Variants in RAI14 observed in about 807,000 individuals in gnomAD.
The protein encoded by RAI14 is ankycorbin.
RAI14 carries 45 observed loss-of-function variants against 115.4 expected under a neutral mutation model. The observed-to-expected ratio is 0.39, with a 90% CI of 0.31 to 0.50. RAI14 has a LOEUF of 0.50. Ranked by LOEUF, RAI14 falls within the 20% of genes least tolerant of loss-of-function variation. The pLI is 0.85. For missense variants in RAI14, 939 were observed against 1,131.2 expected (o/e 0.83, Z 2.44); for synonymous variants, 371 against 415.4 (o/e 0.89, Z 1.30).
chr5:34,683,797 G>C (rs1744572354), intron 1 of RAI14, among the ~76,000 whole-genome samples: 2 of 151,618 alleles, frequency 1.3e-5, no homozygotes, highest in African/African-American at 4.9e-5. Context: ...GCGCGATATC[G>C]GCTCACTGCA....
At chr5:34,738,801 C>T (rs1745164337) in intron 2 of RAI14, among the ~76,000 whole-genome samples, 1 of 152,220 alleles carries the variant, frequency 6.6e-6, no homozygotes, top group Non-Finnish European at 1.5e-5. Flanking sequence ...CATCTTACCA[C>T]AGTTTCCTAT....
Position 34,830,762 on chromosome 5 carries a change from G to T in RAI14, c.2940G>T (p.Lys980Asn). Residue 980 changes from lysine to asparagine, a missense_variant, in exon 18 of 18, where the codon AAG (lysine) becomes AAT (asparagine). Transcript: ENST00000265109. Reference sequence around the variant, plus strand: ...TGTGTAAAAACCAGTCTCAAAAGAAGTAAAGTGGATTCCTTGGCAGGACAC... The same window carrying T: ...TGTGTAAAAACCAGTCTCAAAAGAATTAAAGTGGATTCCTTGGCAGGACAC... ...LTMCKNQSQK[K>N] 6.2e-7 allele frequency: 1 copy of T among 1,614,158 alleles called. No homozygotes were observed. Among genetic ancestry groups the T allele is most frequent in the Non-Finnish European group, 8.5e-7 (1 of 1,179,992 alleles).
intron 3 of RAI14, among the ~76,000 whole-genome samples, chr5:34,779,619 A>G (rs985931120): frequency 2.6e-5 from 4 of 152,204 alleles, no homozygotes; most frequent in Non-Finnish European, 5.9e-5. Context: ...CCCATTCACA[A>G]TTGCTTCAAA....
rs1561294890 is a variant in RAI14, at chr5:34,738,180, TG to T, written c.37-19284del. Among the ~76,000 whole-genome samples the T allele has an allele frequency of 4.6e-5, 7 of 152,086 alleles. No individual in the cohort carries two copies. The South Asian group carries it at 1.5e-3, about 32-fold the overall frequency. ...TGGCTCATGTCTGAACCCCAGCACT[TG>T]GGGAGGCTGAGGCAGGTGGATTGCT... On this transcript the variant is annotated intron_variant, in intron 2 of 17. Transcript: ENST00000265109.
intron 13 of RAI14, 98 bp downstream of exon 13, chr5:34,818,949 ATG>A: frequency 9.0e-7 from 1 of 1,116,642 alleles, no homozygotes; most frequent in Non-Finnish European, 1.3e-6. Context: ...CTGTGTAAAA[ATG>A]TCACAAGCCA....
intron 3 of RAI14, among the ~76,000 whole-genome samples, chr5:34,774,873 C>T (rs944049610): frequency 6.6e-6 from 1 of 152,074 alleles, no homozygotes; most frequent in Non-Finnish European, 1.5e-5. Flanking sequence ...AATTATACTA[C>T]AGAGCTATAG....
chr5:34,688,638 G>A (rs1437522337), intron 2 of RAI14, among the ~76,000 whole-genome samples: 3 of 152,188 alleles, frequency 2.0e-5, no homozygotes, highest in Non-Finnish European at 2.9e-5. Flanking sequence ...ATGTTGAGAA[G>A]CAGACCTGGG....
At chr5:34,812,743 A>G (rs1755753848) in intron 10 of RAI14, among the ~76,000 whole-genome samples, 1 of 152,120 alleles carries the variant, frequency 6.6e-6, no homozygotes, top group Non-Finnish European at 1.5e-5. Context: ...TGCTACTTAT[A>G]TGTTCATCTT....
intron 4 of RAI14, among the ~76,000 whole-genome samples, chr5:34,801,400 C>T (rs1401769128): frequency 6.6e-6 from 1 of 152,190 alleles, no homozygotes; most frequent in Non-Finnish European, 1.5e-5. Flanking sequence ...CTATATGATT[C>T]TCTAATTAGT....
At position 34,824,230 on chromosome 5, in the gene RAI14, A is replaced by G; in HGVS notation, c.2388A>G (p.Leu796=). 3 of 1,614,172 alleles carry G rather than the reference A, an allele frequency of 1.9e-6. No homozygotes were observed. Among genetic ancestry groups the G allele is most frequent in the Non-Finnish European group, 2.5e-6 (3 of 1,180,004 alleles). Residue 796 remains leucine, a synonymous_variant, in exon 15 of 18, where the codon TTA becomes TTG. Transcript: ENST00000265109. Reference sequence around the variant, plus strand: ...CCTATGAAAAACTCCAGTCATCCTTAGAGAGTGAAGTGAGTGTGTTGGCAT... The same window carrying G: ...CCTATGAAAAACTCCAGTCATCCTTGGAGAGTGAAGTGAGTGTGTTGGCAT... ...RSSYEKLQSS[L]ESEVSVLASK...
intron 5 of RAI14, among the ~76,000 whole-genome samples, chr5:34,805,508 G>A (rs1046450549): frequency 1.3e-5 from 2 of 152,110 alleles, no homozygotes; most frequent in Non-Finnish European, 2.9e-5. Flanking sequence ...CCTTCTCACG[G>A]CAATGAGCAC....
intron 1 of RAI14, among the ~76,000 whole-genome samples, chr5:34,683,722 C>G (rs1744559329): frequency 6.6e-6 from 1 of 150,750 alleles, no homozygotes; most frequent in Admixed American, 6.6e-5. Flanking sequence ...ATTTGAAGGG[C>G]GATTCCCACC....
At chr5:34,738,296 C>T (rs1236241780) in intron 2 of RAI14, among the ~76,000 whole-genome samples, 1 of 152,162 alleles carries the variant, frequency 6.6e-6, no homozygotes, top group East Asian at 1.9e-4. Context: ...CCAAATATTT[C>T]TGTCCAAAAT....
At chr5:34,767,591 G>GCCCCCCCCCCCCCCCCCCC (rs1561334151) in intron 3 of RAI14, among the ~76,000 whole-genome samples, 10 of 116,750 alleles carry the variant, frequency 8.6e-5, no homozygotes, top group African/African-American at 2.3e-4. Flanking sequence ...CACCGCCACC[G>GCCCCCCCCCCCCCCCCCCC]CCCCCACCAC....
At chr5:34,701,793 T>C (rs774828121) in intron 2 of RAI14, among the ~76,000 whole-genome samples, 10 of 152,076 alleles carry the variant, frequency 6.6e-5, no homozygotes, top group Non-Finnish European at 1.3e-4. Context: ...TCTTCAAACA[T>C]TTTACAGAAT....
At chr5:34,689,707 TA>T (rs1738330099) in intron 2 of RAI14, among the ~76,000 whole-genome samples, 1 of 151,808 alleles carries the variant, frequency 6.6e-6, no homozygotes, top group African/African-American at 2.4e-5. Context: ...ACCCCGTCTG[TA>T]CTAAAAATAC....
At chr5:34,711,507 T>C (rs1741398865) in intron 2 of RAI14, among the ~76,000 whole-genome samples, 1 of 152,238 alleles carries the variant, frequency 6.6e-6, no homozygotes, top group Non-Finnish European at 1.5e-5. Flanking sequence ...TTTGTGGATC[T>C]TCAGTTACTT....
intron 5 of RAI14, among the ~76,000 whole-genome samples, chr5:34,804,080 T>C (rs1182932445): frequency 1.3e-5 from 2 of 152,166 alleles, no homozygotes; most frequent in African/African-American, 2.4e-5. Flanking sequence ...CTCTAAATAG[T>C]GTAAGTTTTT....
At chr5:34,752,699 ATATATGTGTGTGTGTGTG>A (rs1338078466) in intron 2 of RAI14, among the ~76,000 whole-genome samples, 1 of 51,386 alleles carries the variant, frequency 1.9e-5, no homozygotes, top group African/African-American at 1.3e-4. Context: ...TATTTCTTAC[ATATATGTGTGTGTGTGTG>A]TGTGTGTGTG....
Sources: gnomAD v4.1 joint callset for allele counts (sites outside exome capture counted in the v4.1 genomes callset) on GRCh38, gnomAD v4.1.1 for gene constraint, MANE v1.5 for transcripts, NCBI Gene and HGNC (gene_info 2026-07-23, HGNC 2026-07-21) for gene names.